The following NRXN1 variants were observed in gnomAD, a reference collection of about 807,000 sequenced individuals.
The protein encoded by NRXN1 is neurexin 1, also known as neurexin-1.
A neutral mutation model predicts 150.9 loss-of-function variants in NRXN1; 39 were observed. The ratio of observed to expected loss-of-function variants is 0.26; its 90% CI spans 0.20 to 0.34. The LOEUF (loss-of-function observed/expected upper bound fraction) is 0.34, where lower values mean the gene tolerates loss of function less well. NRXN1 is among the 10% of genes least tolerant of loss of function. The pLI is 1.00. For missense variants in NRXN1, 1,815 were observed against 1,949.9 expected (o/e 0.93, Z 1.30); for synonymous variants, 924 against 757.0 (o/e 1.22, Z -3.62).
intron 5 of NRXN1, among the ~76,000 whole-genome samples, chr2:50,699,713 G>T (rs535251976): frequency 7.9e-5 from 12 of 152,050 alleles, no homozygotes; most frequent in African/African-American, 2.9e-4. Context: ...TTCCAGAAAG[G>T]AACATGGCCC....
chr2:50,304,244 G>A (rs2074415436), intron 17 of NRXN1, among the ~76,000 whole-genome samples: 1 of 152,052 alleles, frequency 6.6e-6, no homozygotes, highest in Non-Finnish European at 1.5e-5. Flanking sequence ...AATGTACCCA[G>A]AACTGTGCAC....
intron 5 of NRXN1, among the ~76,000 whole-genome samples, chr2:50,889,189 T>C (rs953987214): frequency 1.3e-5 from 2 of 151,722 alleles, no homozygotes; most frequent in Non-Finnish European, 3.0e-5. Context: ...CTGCTCTTCA[T>C]GTATTTAAAA....
intron 5 of NRXN1, among the ~76,000 whole-genome samples, chr2:50,850,313 A>G (rs748626944): frequency 1.3e-5 from 2 of 151,624 alleles, no homozygotes; most frequent in Non-Finnish European, 2.9e-5. Flanking sequence ...TCCCTTCTCC[A>G]CTGCTTTTTA....
intron 5 of NRXN1, among the ~76,000 whole-genome samples, chr2:50,901,036 T>C (rs1234858462): frequency 1.3e-5 from 2 of 152,166 alleles, no homozygotes. Context: ...CATTCACTGA[T>C]TTTTTTCTCT....
Position 50,347,282 on chromosome 2 carries a change from A to C in NRXN1, c.3365-110312T>G. 1 of 1,295,404 alleles carries C rather than the reference A, an allele frequency of 7.7e-7. No individual in the cohort carries two copies. Among genetic ancestry groups the C allele is most frequent in the Non-Finnish European group, 1.0e-6 (1 of 995,094 alleles). 80.2% of individuals were successfully genotyped at this position (1,295,404 alleles called of 1,614,324 possible). On this transcript the variant is annotated intron_variant, in intron 17 of 22. Coordinates refer to ENST00000401669, the MANE Select transcript of NRXN1 (RefSeq NM_001330078.2). This position sits in a 1 kb window ranked among gnomAD's most constrained non-coding sequence, Gnocchi z 4.9. ...AGGTTCTCGAGAGATACTCCCAAAG[A>C]GTTTCGGGCGAGAGTGCGTGCCGGC...
intron 5 of NRXN1, among the ~76,000 whole-genome samples, chr2:50,870,962 G>C (rs1472746733): frequency 6.6e-6 from 1 of 151,886 alleles, no homozygotes; most frequent in Non-Finnish European, 1.5e-5. Flanking sequence ...AATAGTTTTT[G>C]AGGTGCTGTG....
At chr2:50,146,067 T>A (rs1431106516) in intron 18 of NRXN1, among the ~76,000 whole-genome samples, 2 of 151,578 alleles carry the variant, frequency 1.3e-5, no homozygotes, top group Non-Finnish European at 3.0e-5. Flanking sequence ...AAATTGACAA[T>A]CAGTAAGAAT....
At chr2:50,620,226 C>T in intron 7 of NRXN1, 43 bp from the exon 8 acceptor site, 1 of 1,588,114 alleles carries the variant, frequency 6.3e-7, no homozygotes, top group Non-Finnish European at 8.6e-7. Context: ...ATACTCAGAC[C>T]TAGATACTGT....
intron 2 of NRXN1, among the ~76,000 whole-genome samples, chr2:51,000,436 A>G (rs572780417): frequency 6.6e-6 from 1 of 152,048 alleles, no homozygotes; most frequent in African/African-American, 2.4e-5. Flanking sequence ...TATCCTCAGC[A>G]CCTATAACAG....
intron 21 of NRXN1, among the ~76,000 whole-genome samples, chr2:49,982,893 A>G (rs1680211397): frequency 6.6e-6 from 1 of 152,152 alleles, no homozygotes; most frequent in African/African-American, 2.4e-5. Flanking sequence ...ACAATCTGTT[A>G]AACTACTTTT....
intron 17 of NRXN1, among the ~76,000 whole-genome samples, chr2:50,242,164 C>G (rs910362284): frequency 1.3e-5 from 2 of 151,570 alleles, no homozygotes; most frequent in Non-Finnish European, 3.0e-5. Flanking sequence ...AGCCAGGTAC[C>G]CAGATGAATA....
chr2:50,387,268 A>G (rs1157194073), intron 17 of NRXN1, among the ~76,000 whole-genome samples: 1 of 152,226 alleles, frequency 6.6e-6, no homozygotes, highest in Non-Finnish European at 1.5e-5. Context: ...CATTCCTCAC[A>G]AAGTTTAAAA....
intron 5 of NRXN1, among the ~76,000 whole-genome samples, chr2:50,666,860 GA>G (rs1688097269): frequency 1.1e-5 from 1 of 93,042 alleles, no homozygotes; most frequent in Non-Finnish European, 2.2e-5. Context: ...TGATGATGAT[GA>G]TGATGATGAT....
At chr2:50,243,075 A>G (rs1260230399) in intron 17 of NRXN1, among the ~76,000 whole-genome samples, 1 of 151,840 alleles carries the variant, frequency 6.6e-6, no homozygotes, top group Non-Finnish European at 1.5e-5. Context: ...ACGGTTAGAT[A>G]GGAAGAATGA....
intron 8 of NRXN1, among the ~76,000 whole-genome samples, chr2:50,618,202 C>T (rs1679353980): frequency 2.0e-5 from 3 of 152,170 alleles, no homozygotes; most frequent in African/African-American, 2.4e-5. Flanking sequence ...CTGCCCTCCA[C>T]TTTCCATCCC....
Position 50,598,768 on chromosome 2 carries a change from C to T in NRXN1, c.1320+21254G>A, listed in dbSNP as rs193141741. ...TATATATTTTATTTTTGTTTTGTTT[C>T]GTTTTTTGAGACAGAGTCTCTCTGT... On this transcript the variant is annotated intron_variant, in intron 8 of 22. Transcript: ENST00000401669. Among the ~76,000 whole-genome samples, 19 of 146,192 alleles carry T rather than the reference C, an allele frequency of 1.3e-4. 1 individual carries two copies. Among genetic ancestry groups the T allele is most frequent in the African/African-American group, 2.8e-4 (11 of 39,524 alleles).
chr2:50,933,169 T>C (rs1045339373), intron 2 of NRXN1, among the ~76,000 whole-genome samples: 1 of 152,026 alleles, frequency 6.6e-6, no homozygotes, highest in African/African-American at 2.4e-5. Flanking sequence ...AAAGAAAGAA[T>C]TATTCCATAA....
chr2:49,936,212 G>A (rs1670999322), intron 22 of NRXN1, among the ~76,000 whole-genome samples: 1 of 152,166 alleles, frequency 6.6e-6, no homozygotes, highest in African/African-American at 2.4e-5. Context: ...TATATGCTAA[G>A]TAATTATTAT....
intron 5 of NRXN1, among the ~76,000 whole-genome samples, chr2:50,890,219 T>C (rs1680849247): frequency 6.6e-6 from 1 of 151,820 alleles, no homozygotes. Context: ...AAATGTGTCA[T>C]CCAGCAGTGT....
Sources: allele counts gnomAD v4.1 joint callset (sites outside exome capture counted in the v4.1 genomes callset), GRCh38; gene constraint gnomAD v4.1.1; non-coding constraint Gnocchi (gnomAD v3.1); transcripts MANE v1.5; gene names NCBI Gene and HGNC (gene_info 2026-07-23, HGNC 2026-07-21).